The following EBF1 variants were observed in gnomAD, a reference collection of about 807,000 sequenced individuals.
EBF1 encodes transcription factor COE1.
A neutral mutation model predicts 68.4 loss-of-function variants in EBF1; 10 were observed. The ratio of observed to expected loss-of-function variants is 0.15; its 90% confidence interval spans 0.09 to 0.25. The LOEUF is 0.25. Ranked by LOEUF, EBF1 falls within the 10% of genes least tolerant of loss-of-function variation. The probability of loss-of-function intolerance (pLI) is 1.00; values close to 1 mark genes in which losing one functional copy is unlikely to be tolerated. For synonymous variants in EBF1, 298 were observed against 299.8 expected (o/e 0.99, Z 0.06); for missense variants, 509 against 794.4 (o/e 0.64, Z 4.32).
rs536827032 is a variant in EBF1, at chr5:158,823,025, G to A, written c.778+151C>T. The A allele has an allele frequency of 4.5e-5, 45 of 994,620 alleles. No homozygotes were observed. In the African/African-American group the frequency reaches 6.8e-4, roughly 15 times the overall value. The allele number at this position is 994,620 out of a possible 1,614,324, so 61.6% of individuals were successfully genotyped here. On this transcript the variant is annotated intron_variant, in intron 8 of 15. Transcript: ENST00000313708. ...TGTCTTTAAATATTTGCCACCATATGTTGAAGAGAAAAAACCCTAGAGGAC... is the reference window on the plus strand; with the variant it reads ...TGTCTTTAAATATTTGCCACCATATATTGAAGAGAAAAAACCCTAGAGGAC...
intron 6 of EBF1, among the ~76,000 whole-genome samples, chr5:158,945,924 A>G (rs2127486324): frequency 6.6e-6 from 1 of 151,922 alleles, no homozygotes; most frequent in Admixed American, 6.5e-5. Context: ...GCTTTATTTC[A>G]TTAAGTTGAT....
chr5:158,752,688 A>C (rs1769192951), intron 10 of EBF1, among the ~76,000 whole-genome samples: 1 of 152,106 alleles, frequency 6.6e-6, no homozygotes, highest in African/African-American at 2.4e-5. Context: ...CACACATGTA[A>C]CTTTCAAACT....
chr5:158,971,599 T>C (rs182080826), intron 6 of EBF1, among the ~76,000 whole-genome samples: 2 of 152,212 alleles, frequency 1.3e-5, no homozygotes, highest in East Asian at 1.9e-4. Flanking sequence ...TGCCCCAAGA[T>C]ACTGAGAACC....
At chr5:159,049,837 G>T (rs1016227094) in intron 6 of EBF1, among the ~76,000 whole-genome samples, 1 of 152,166 alleles carries the variant, frequency 6.6e-6, no homozygotes, top group African/African-American at 2.4e-5. Flanking sequence ...CTTGGGAGGG[G>T]TGCTTATCTG....
chr5:158,737,261 C>A (rs1455685301), intron 10 of EBF1, among the ~76,000 whole-genome samples: 10 of 139,276 alleles, frequency 7.2e-5, no homozygotes, highest in Non-Finnish European at 3.1e-5. Context: ...TTTGAACATG[C>A]CCTGATTTTT....
intron 7 of EBF1, among the ~76,000 whole-genome samples, chr5:158,832,506 C>T (rs1487598525): frequency 4.6e-5 from 7 of 152,250 alleles, no homozygotes; most frequent in East Asian, 1.9e-4. Context: ...AGAGAGTGAT[C>T]GCAGCTCGGG....
At chr5:159,081,036 AG>A (rs1282133125) in intron 5 of EBF1, among the ~76,000 whole-genome samples, 1 of 152,202 alleles carries the variant, frequency 6.6e-6, no homozygotes, top group Admixed American at 6.5e-5. Flanking sequence ...GCTGGAGTGC[AG>A]TGGTGCAATC....
chr5:158,870,271 A>G (rs1373779998), intron 6 of EBF1, among the ~76,000 whole-genome samples: 1 of 152,154 alleles, frequency 6.6e-6, no homozygotes, highest in Non-Finnish European at 1.5e-5. Context: ...CCATTACTAG[A>G]TGTCATAATT....
At chr5:158,932,581 C>T (rs973763914) in intron 6 of EBF1, among the ~76,000 whole-genome samples, 1 of 151,964 alleles carries the variant, frequency 6.6e-6, no homozygotes. Context: ...TAAAATAATT[C>T]AATAATATGT....
intron 6 of EBF1, among the ~76,000 whole-genome samples, chr5:158,848,859 G>A (rs962183077): frequency 6.6e-6 from 1 of 152,220 alleles, no homozygotes; most frequent in Non-Finnish European, 1.5e-5. Flanking sequence ...ATGTCAGAGA[G>A]AGATCAAGAA....
chr5:158,823,915 G>C (rs1785429685), intron 7 of EBF1, among the ~76,000 whole-genome samples: 1 of 145,566 alleles, frequency 6.9e-6, no homozygotes, highest in East Asian at 2.0e-4. Flanking sequence ...TGCTAATTAA[G>C]GGTCTTAGAT....
At chr5:158,971,594 C>T (rs1583571785) in intron 6 of EBF1, among the ~76,000 whole-genome samples, 1 of 152,182 alleles carries the variant, frequency 6.6e-6, no homozygotes, top group African/African-American at 2.4e-5. Flanking sequence ...GTGTTTGCCC[C>T]AAGATACTGA....
rs573822168 is a variant in EBF1, at chr5:159,075,333, G to C, written c.486-1869C>G. On this transcript the variant is annotated intron_variant, in intron 5 of 15. Coordinates refer to ENST00000313708, the MANE Select transcript of EBF1 (RefSeq NM_024007.5). ...TCAAGTCCAGGCAAATCTGCCCTGT[G>C]CTCTGCAGAAGCAGCAGGTCTCCAA... is the stretch of plus-strand genomic sequence containing the variant. 5.3e-5 allele frequency among the ~76,000 whole-genome samples: 8 copies of C among 152,270 alleles called. No homozygotes were observed. In the East Asian group the frequency reaches 1.2e-3, roughly 22 times the overall value.
chr5:158,901,327 ATTAT>A (rs906950119), intron 6 of EBF1, among the ~76,000 whole-genome samples: 9 of 152,172 alleles, frequency 5.9e-5, no homozygotes, highest in Non-Finnish European at 1.3e-4. Context: ...AATTGCCTTA[ATTAT>A]TTATTTAATT....
chr5:158,864,450 G>A (rs1795509605), intron 6 of EBF1, among the ~76,000 whole-genome samples: 1 of 152,264 alleles, frequency 6.6e-6, no homozygotes, highest in African/African-American at 2.4e-5. Context: ...GTTGTCTAGA[G>A]TAGCTTTTCA....
chr5:158,836,587 C>T (rs1023441166), intron 7 of EBF1, among the ~76,000 whole-genome samples: 4 of 152,202 alleles, frequency 2.6e-5, no homozygotes, highest in Admixed American at 2.0e-4. Flanking sequence ...TTTGCTTTAA[C>T]TCTCGAGGCA....
chr5:158,912,159 G>C (rs1806125984), intron 6 of EBF1, among the ~76,000 whole-genome samples: 1 of 152,174 alleles, frequency 6.6e-6, no homozygotes. Flanking sequence ...CATGTCTTAG[G>C]AGAGTAAGGG....
chr5:158,771,473 A>G (rs1040772930), intron 10 of EBF1, among the ~76,000 whole-genome samples: 1 of 152,164 alleles, frequency 6.6e-6, no homozygotes, highest in Non-Finnish European at 1.5e-5. Flanking sequence ...CATGTTATCC[A>G]GAGGACAAAA....
intron 10 of EBF1, among the ~76,000 whole-genome samples, chr5:158,750,227 T>A (rs140138343): frequency 9.9e-5 from 15 of 152,258 alleles, no homozygotes; most frequent in African/African-American, 3.4e-4. Context: ...ATTCAAACAA[T>A]AAGATATTTC....
Sources: gnomAD v4.1 joint callset for allele counts (sites outside exome capture counted in the v4.1 genomes callset) on GRCh38, gnomAD v4.1.1 for gene constraint, MANE v1.5 for transcripts, NCBI Gene and HGNC (gene_info 2026-07-23, HGNC 2026-07-21) for gene names.